Variants in NALCN observed in about 807,000 individuals in gnomAD.
NALCN encodes sodium leak channel, non-selective.
NALCN carries 111 observed loss-of-function variants against 225.3 expected under a neutral mutation model. That is an observed-to-expected ratio of 0.49 (90% CI 0.42 to 0.58). The LOEUF (loss-of-function observed/expected upper bound fraction) is 0.58. Ranked by LOEUF, NALCN falls within the 20% of genes least tolerant of loss-of-function variation. The pLI, the probability that NALCN is intolerant of heterozygous loss-of-function variation, is 0.00. For missense variants in NALCN, 1,378 were observed against 2,202.4 expected (o/e 0.63, Z 7.49); for synonymous variants, 764 against 769.0 (o/e 0.99, Z 0.11).
chr13:101,099,371 A>C (rs1270174246), intron 27 of NALCN, among the ~76,000 whole-genome samples: 2 of 152,080 alleles, frequency 1.3e-5, no homozygotes, highest in Non-Finnish European at 2.9e-5. Context: ...TGGCTGAACA[A>C]AGATGTTACC....
chr13:101,273,369 CT>C (rs775203763), intron 10 of NALCN, among the ~76,000 whole-genome samples: 19 of 152,224 alleles, frequency 1.2e-4, no homozygotes, highest in Non-Finnish European at 2.5e-4. Flanking sequence ...TGGTTTGGTG[CT>C]AAAAGAGTCA....
At chr13:101,189,940 A>G (rs997717673) in intron 14 of NALCN, among the ~76,000 whole-genome samples, 2 of 152,186 alleles carry the variant, frequency 1.3e-5, no homozygotes, top group Non-Finnish European at 1.5e-5. Context: ...ATGAACTTTA[A>G]GTGATCTATA....
intron 7 of NALCN, among the ~76,000 whole-genome samples, chr13:101,341,483 G>T (rs747448821): frequency 2.0e-5 from 3 of 152,080 alleles, no homozygotes; most frequent in African/African-American, 4.8e-5. Flanking sequence ...ATTTTACTAA[G>T]ATGTGTCTCA....
At chr13:101,230,973 ATACT>A (rs2041323869) in intron 12 of NALCN, among the ~76,000 whole-genome samples, 2 of 152,182 alleles carry the variant, frequency 1.3e-5, no homozygotes, top group African/African-American at 2.4e-5. Flanking sequence ...AGATATACAA[ATACT>A]TACCTTTGTG....
chr13:101,111,073 T>A, intron 19 of NALCN, 52 bp downstream of exon 19: 1 of 1,563,076 alleles, frequency 6.4e-7, no homozygotes, highest in South Asian at 1.1e-5. Flanking sequence ...CCATTTCCTG[T>A]AAAACCCCCC....
intron 15 of NALCN, among the ~76,000 whole-genome samples, chr13:101,152,642 C>T (rs2139829761): frequency 6.6e-6 from 1 of 151,976 alleles, no homozygotes; most frequent in African/African-American, 2.4e-5. Context: ...TGAATGAGCA[C>T]ATTTTGCTCA....
At chr13:101,234,636 T>G (rs1382193465) in intron 12 of NALCN, among the ~76,000 whole-genome samples, 2 of 152,198 alleles carry the variant, frequency 1.3e-5, no homozygotes, top group African/African-American at 4.8e-5. Context: ...AGCCACAAAT[T>G]AACTGAGATC....
At chr13:101,396,779 GT>G (rs1374449310) in intron 2 of NALCN, among the ~76,000 whole-genome samples, 1 of 151,912 alleles carries the variant, frequency 6.6e-6, no homozygotes, top group East Asian at 1.9e-4. Context: ...CAACAAAAGT[GT>G]TTTTAGTTTA....
intron 6 of NALCN, among the ~76,000 whole-genome samples, chr13:101,357,705 C>T (rs1356478002): frequency 6.6e-6 from 1 of 151,908 alleles, no homozygotes; most frequent in East Asian, 1.9e-4. Flanking sequence ...CATATGGAAC[C>T]AAAAAAGAGC....
At chr13:101,091,237 AG>A in intron 28 of NALCN, among the ~76,000 whole-genome samples, 1 of 152,278 alleles carries the variant, frequency 6.6e-6, no homozygotes, top group East Asian at 1.9e-4. Flanking sequence ...CACTGACTAG[AG>A]TAGGCCCCTT....
At chr13:101,313,190 A>G (rs2044417246) in intron 7 of NALCN, among the ~76,000 whole-genome samples, 1 of 152,142 alleles carries the variant, frequency 6.6e-6, no homozygotes, top group African/African-American at 2.4e-5. Flanking sequence ...TTCAAGATGG[A>G]TTAAAGACTT....
At chr13:101,071,071 A>G (rs2032847543) in intron 37 of NALCN, among the ~76,000 whole-genome samples, 1 of 152,206 alleles carries the variant, frequency 6.6e-6, no homozygotes, top group Non-Finnish European at 1.5e-5. Context: ...AGGATGGAAG[A>G]AACCACCCCC....
chr13:101,148,141 A>G (rs1448635111), intron 15 of NALCN, among the ~76,000 whole-genome samples: 4 of 152,132 alleles, frequency 2.6e-5, no homozygotes, highest in African/African-American at 7.2e-5. Context: ...CCTGTCACAC[A>G]TTACCACTAG....
chr13:101,376,398 T>G (rs1354322701), intron 6 of NALCN, among the ~76,000 whole-genome samples: 1 of 152,082 alleles, frequency 6.6e-6, no homozygotes, highest in African/African-American at 2.4e-5. Context: ...ACGCCTGTAG[T>G]CCCAGCTACT....
In NALCN at chr13:101,296,470, C is replaced by T. The variant is rs138212723; in HGVS notation, c.800-4104G>A. Among the ~76,000 whole-genome samples, 724 of 152,294 alleles carry T rather than the reference C, an allele frequency of 4.8e-3. 3 individuals carry two copies. Among genetic ancestry groups the T allele is most frequent in the Middle Eastern group, 0.014 (4 of 294 alleles). On this transcript the variant is annotated intron_variant, in intron 7 of 43. Transcript: ENST00000251127. ...TCATATATAAACATAAAAACCCATG[C>T]TATACACACAGAAAAGTCTTCATCT...
intron 11 of NALCN, among the ~76,000 whole-genome samples, chr13:101,251,106 A>G (rs1029322344): frequency 6.6e-6 from 1 of 152,120 alleles, no homozygotes; most frequent in African/African-American, 2.4e-5. Context: ...GAAAGTGAGC[A>G]TATCTGACAA....
At chr13:101,302,191 A>C (rs2043997175) in intron 7 of NALCN, among the ~76,000 whole-genome samples, 1 of 152,236 alleles carries the variant, frequency 6.6e-6, no homozygotes, top group African/African-American at 2.4e-5. Context: ...TCCTATTCTG[A>C]GATATGCACA....
In NALCN at chr13:101,121,946, A is replaced by T. The variant is rs2035997114; in HGVS notation, c.2192+2662T>A. On this transcript the variant is annotated intron_variant, in intron 18 of 43. Coordinates refer to ENST00000251127, the MANE Select transcript of NALCN (RefSeq NM_052867.4). ...ATCAATTGTCCTGAGGTTACTGCAA[A>T]TGTTTTCCTTTTTTTTTTTTTTAAA... Among the ~76,000 whole-genome samples, 4 of 130,236 alleles carry T rather than the reference A, an allele frequency of 3.1e-5. No individual in the cohort carries two copies. In the South Asian group the frequency reaches 1.0e-3, roughly 33 times the overall value. 85.4% of individuals were successfully genotyped at this position (130,236 alleles called of 152,430 possible).
chr13:101,142,043 C>T (rs190461988), intron 17 of NALCN, among the ~76,000 whole-genome samples: 67 of 150,542 alleles, frequency 4.5e-4, no homozygotes, highest in Non-Finnish European at 9.4e-4. Context: ...TAGTTTGATA[C>T]TATGCATACA....
Sources: gnomAD v4.1 joint callset for allele counts (sites outside exome capture counted in the v4.1 genomes callset) on GRCh38, gnomAD v4.1.1 for gene constraint, MANE v1.5 for transcripts, NCBI Gene and HGNC (gene_info 2026-07-23, HGNC 2026-07-21) for gene names.